RNGTT: variants seen among roughly 807,000 people sequenced by gnomAD.
RNGTT encodes the protein RNA guanylyltransferase and 5'-phosphatase.
RNGTT carries 33 observed loss-of-function variants against 79.3 expected under a neutral mutation model. The ratio of observed to expected loss-of-function variants is 0.42; its 90% CI spans 0.32 to 0.56. RNGTT has a LOEUF of 0.56. Among genes scored for constraint, RNGTT ranks in the 20% least tolerant of loss-of-function variants. The pLI is 0.17. For synonymous variants in RNGTT, 222 were observed against 235.9 expected, an observed-to-expected ratio of 0.94 and a Z score of 0.54; for missense variants, 497 against 739.1, an observed-to-expected ratio of 0.67 and a Z score of 3.80.
In RNGTT at chr6:88,626,111, T is replaced by G. The variant is rs191666670; in HGVS notation, c.1507-11716A>C. Reference sequence around the variant, plus strand: ...ACAGAGGCATAGAGGAGTTATATAATTTGATCAGGGGTTAATAGACAGTAA... The same window carrying G: ...ACAGAGGCATAGAGGAGTTATATAAGTTGATCAGGGGTTAATAGACAGTAA... On this transcript the variant is annotated intron_variant, in intron 14 of 15. Transcript: ENST00000369485. Among the ~76,000 whole-genome samples the G allele has an allele frequency of 4.9e-4, 74 of 152,074 alleles. 1 individual carries two copies. The highest frequency in any genetic ancestry group is 1.2e-4 in the Non-Finnish European group (8 of 67,874).
At position 88,664,474 on chromosome 6, in the gene RNGTT, C is replaced by T. The variant is rs183119639; in HGVS notation, c.1506+13879G>A. On this transcript the variant is annotated intron_variant, in intron 14 of 15. Transcript: ENST00000369485. ...ATAGCCAACCAAGTGTTTGTAAATA[C>T]AGATGCAGCAAGCCGCAGAGAGAGC... Among the ~76,000 whole-genome samples, 324 of 152,260 alleles carry T rather than the reference C, an allele frequency of 2.1e-3. 4 individuals are homozygous for T. The highest frequency in any genetic ancestry group is 7.6e-3 in the African/African-American group (317 of 41,550).
intron 14 of RNGTT, among the ~76,000 whole-genome samples, chr6:88,652,863 T>A (rs2127778545): frequency 1.3e-5 from 2 of 152,260 alleles, no homozygotes; most frequent in Middle Eastern, 6.8e-3. Flanking sequence ...GAGAGTTATT[T>A]TGTTTTTTGA....
At chr6:88,838,005 T>C (rs992193616) in intron 11 of RNGTT, among the ~76,000 whole-genome samples, 2 of 152,154 alleles carry the variant, frequency 1.3e-5, no homozygotes, top group South Asian at 2.1e-4. Context: ...TTACACTTAA[T>C]ATGAATACCT....
intron 8 of RNGTT, among the ~76,000 whole-genome samples, chr6:88,884,277 T>C (rs1782786449): frequency 6.6e-6 from 1 of 152,152 alleles, no homozygotes; most frequent in South Asian, 2.1e-4. Flanking sequence ...AGTCGTTGAA[T>C]AAACTACTCA....
At chr6:88,958,662 C>T (rs1292134238) in intron 1 of RNGTT, among the ~76,000 whole-genome samples, 1 of 152,132 alleles carries the variant, frequency 6.6e-6, no homozygotes, top group Non-Finnish European at 1.5e-5. Flanking sequence ...CAATGAGATA[C>T]CACCTTACTC....
chr6:88,950,861 GTT>G (rs56393697), intron 1 of RNGTT, among the ~76,000 whole-genome samples: 39 of 142,794 alleles, frequency 2.7e-4, no homozygotes, highest in East Asian at 8.2e-4. Flanking sequence ...ACTGTTTTTG[GTT>G]TTTTTTTTTT....
intron 13 of RNGTT, among the ~76,000 whole-genome samples, chr6:88,744,979 A>T (rs1777616631): frequency 6.6e-6 from 1 of 152,224 alleles, no homozygotes; most frequent in Non-Finnish European, 1.5e-5. Flanking sequence ...TAATCAGTTT[A>T]GAGGTTAAAA....
intron 11 of RNGTT, among the ~76,000 whole-genome samples, chr6:88,804,395 G>A (rs1389039276): frequency 6.6e-6 from 1 of 152,104 alleles, no homozygotes; most frequent in Non-Finnish European, 1.5e-5. Flanking sequence ...TGTAATTCTG[G>A]CACTTTGGGA....
intron 13 of RNGTT, among the ~76,000 whole-genome samples, chr6:88,730,554 C>G (rs1234189093): frequency 6.6e-6 from 1 of 152,228 alleles, no homozygotes; most frequent in Non-Finnish European, 1.5e-5. Context: ...TGTTATTTCT[C>G]TTGCGGCACC....
intron 12 of RNGTT, among the ~76,000 whole-genome samples, chr6:88,774,581 T>C (rs1247887080): frequency 6.6e-6 from 1 of 152,180 alleles, no homozygotes; most frequent in East Asian, 1.9e-4. Context: ...CAAGTCTCCA[T>C]CAACAGGTGA....
At position 88,941,223 on chromosome 6, in the gene RNGTT, T is replaced by A. The variant is rs754054290; in HGVS notation, c.65-43A>T. ...GTAATCATTTCCATAAAAGGAAATG[T>A]TTCAGATTAAAATTCTATAATTAAC... On this transcript the variant is annotated intron_variant, in intron 1 of 15. Coordinates refer to ENST00000369485, the MANE Select transcript of RNGTT (RefSeq NM_003800.5). 7.9e-6 allele frequency: 10 copies of A among 1,260,012 alleles called. No individual in the cohort carries two copies. The Admixed American group carries it at 1.8e-4, about 23-fold the overall frequency. 78.1% of individuals were successfully genotyped at this position (1,260,012 alleles called of 1,614,324 possible). A position where few individuals can be genotyped will look rare whatever the true frequency, so the allele number is the denominator to read the frequency against.
At chr6:88,958,178 T>C (rs1344215772) in intron 1 of RNGTT, among the ~76,000 whole-genome samples, 1 of 152,086 alleles carries the variant, frequency 6.6e-6, no homozygotes, top group African/African-American at 2.4e-5. Context: ...AAGCTACGCG[T>C]AGAAGAATGA....
intron 14 of RNGTT, among the ~76,000 whole-genome samples, chr6:88,625,735 G>A (rs186757390): frequency 6.6e-6 from 1 of 151,466 alleles, no homozygotes; most frequent in African/African-American, 2.4e-5. Flanking sequence ...GTATGTAGAA[G>A]GTGAATAAAA....
At chr6:88,959,968 A>T (rs981154780) in intron 1 of RNGTT, among the ~76,000 whole-genome samples, 4 of 152,184 alleles carry the variant, frequency 2.6e-5, no homozygotes, top group Non-Finnish European at 5.9e-5. Flanking sequence ...CCAACTATTT[A>T]TCTAGAAAAC....
At chr6:88,615,175 T>C (rs949488541) in intron 14 of RNGTT, among the ~76,000 whole-genome samples, 2 of 152,216 alleles carry the variant, frequency 1.3e-5, no homozygotes, top group Non-Finnish European at 2.9e-5. Flanking sequence ...TCAAATCAAA[T>C]GCCAGTCATG....
intron 12 of RNGTT, among the ~76,000 whole-genome samples, chr6:88,773,161 C>T (rs1381545401): frequency 8.6e-5 from 13 of 150,418 alleles, no homozygotes; most frequent in East Asian, 7.8e-4. Flanking sequence ...TGAGTTCATG[C>T]CCTTTGTAGG....
rs992592651 is a variant in RNGTT at position 88,631,722 on chromosome 6, GT to G, written c.1507-17328del. On this transcript the variant is annotated intron_variant, in intron 14 of 15. Transcript: ENST00000369485. Reference sequence around the variant, plus strand: ...GCCCCTTATTTCATTCAGAAGATCTGTTTGCCTGCAGTGGACCATATACTTT... The same window carrying G: ...GCCCCTTATTTCATTCAGAAGATCTGTTGCCTGCAGTGGACCATATACTTT... 8.1e-4 allele frequency among the ~76,000 whole-genome samples: 123 copies of G among 152,116 alleles called. 1 individual carries two copies. Among genetic ancestry groups the G allele is most frequent in the African/African-American group, 2.9e-3 (119 of 41,486 alleles).
intron 4 of RNGTT, among the ~76,000 whole-genome samples, chr6:88,919,132 A>G (rs902264234): frequency 6.6e-6 from 1 of 152,238 alleles, no homozygotes; most frequent in Non-Finnish European, 1.5e-5. Context: ...TATGTATTTG[A>G]TATTAAAAAA....
chr6:88,954,351 A>C (rs1406546191), intron 1 of RNGTT, among the ~76,000 whole-genome samples: 2 of 152,238 alleles, frequency 1.3e-5, no homozygotes, highest in Non-Finnish European at 2.9e-5. Flanking sequence ...ATGTCAGACA[A>C]AACAAACTTT....
Sources: gnomAD v4.1 joint callset for allele counts (sites outside exome capture counted in the v4.1 genomes callset) on GRCh38, gnomAD v4.1.1 for gene constraint, MANE v1.5 for transcripts, NCBI Gene and HGNC (gene_info 2026-07-23, HGNC 2026-07-21) for gene names.